Variants in KCNN2 observed in about 807,000 individuals in gnomAD.
KCNN2 encodes small conductance calcium-activated potassium channel protein 2.
In KCNN2, 24 loss-of-function variants were observed where a neutral mutation model predicts 55.5. That is an observed-to-expected ratio of 0.43 (90% CI 0.31 to 0.61). The LOEUF (loss-of-function observed/expected upper bound fraction) is 0.61. Among genes scored for constraint, KCNN2 ranks in the 20% least tolerant of loss-of-function variants. The pLI is 0.08. For synonymous variants in KCNN2, 431 were observed against 336.1 expected, an observed-to-expected ratio of 1.28 and a Z score of -3.09; for missense variants, 754 against 853.6, an observed-to-expected ratio of 0.88 and a Z score of 1.45.
rs137969048 is a variant in KCNN2 at position 114,242,267 on chromosome 5, G to A, written c.-185+20702G>A. 1.3e-3 allele frequency among the ~76,000 whole-genome samples: 194 copies of A among 151,238 alleles called. 1 individual carries two copies. The highest frequency in any genetic ancestry group is 0.01 in the Middle Eastern group (3 of 292). On this transcript the variant is annotated intron_variant, in intron 2 of 10. Coordinates refer to the KCNN2 transcript ENST00000512097. ...AGGCAGTCAGTGCCTCTGCTCAGTAGACATATGAAAGCCAAGACCCATGGA... is the reference window on the plus strand; with the variant it reads ...AGGCAGTCAGTGCCTCTGCTCAGTAAACATATGAAAGCCAAGACCCATGGA...
At chr5:114,336,749 G>A (rs1471610689) in intron 2 of KCNN2, among the ~76,000 whole-genome samples, 5 of 152,172 alleles carry the variant, frequency 3.3e-5, no homozygotes, top group African/African-American at 9.7e-5. Context: ...GAATCATGAG[G>A]ATGTGGCAGC....
At chr5:114,317,231 A>ATT (rs1164491163) in intron 2 of KCNN2, among the ~76,000 whole-genome samples, 3 of 145,642 alleles carry the variant, frequency 2.1e-5, no homozygotes, top group Admixed American at 6.9e-5. Context: ...TATTGATCCA[A>ATT]TTTTTTTTTT....
chr5:114,231,599 A>T (rs925788751), intron 2 of KCNN2, among the ~76,000 whole-genome samples: 1 of 151,186 alleles, frequency 6.6e-6, no homozygotes, highest in Non-Finnish European at 1.5e-5. Context: ...GTGATCATTT[A>T]TGCTGATAGT....
chr5:114,303,246 C>T (rs953327558), intron 2 of KCNN2, among the ~76,000 whole-genome samples: 2 of 152,192 alleles, frequency 1.3e-5, no homozygotes, highest in African/African-American at 4.8e-5. Flanking sequence ...TGTATTATTT[C>T]ACCTTTTCAG....
intron 3 of KCNN2, among the ~76,000 whole-genome samples, chr5:114,418,865 CTTCT>C (rs1759385083): frequency 6.6e-6 from 1 of 152,132 alleles, no homozygotes; most frequent in South Asian, 2.1e-4. Context: ...GTCTGCAGAA[CTTCT>C]GCTAATTCCC....
chr5:114,438,628 A>T (rs890380118), intron 3 of KCNN2, among the ~76,000 whole-genome samples: 1 of 152,144 alleles, frequency 6.6e-6, no homozygotes, highest in African/African-American at 2.4e-5. Context: ...AGTCTCTATG[A>T]TGCTTCCTCC....
intron 1 of KCNN2, among the ~76,000 whole-genome samples, chr5:114,094,631 C>T (rs919233548): frequency 3.3e-5 from 5 of 152,184 alleles, no homozygotes; most frequent in Admixed American, 6.5e-5. Context: ...TACAGTAACA[C>T]CTCCTGAATT....
chr5:114,083,358 T>C (rs1186902687), intron 1 of KCNN2, among the ~76,000 whole-genome samples: 1 of 152,098 alleles, frequency 6.6e-6, no homozygotes, highest in Non-Finnish European at 1.5e-5. Context: ...AGATACATGT[T>C]TTTTTCTTTC....
intron 3 of KCNN2, among the ~76,000 whole-genome samples, chr5:114,455,486 A>G (rs986732268): frequency 6.6e-6 from 1 of 152,182 alleles, no homozygotes; most frequent in Non-Finnish European, 1.5e-5. Context: ...TGGCTTTCCT[A>G]TTCCCTGAAA....
intron 2 of KCNN2, among the ~76,000 whole-genome samples, chr5:114,293,660 T>G (rs1299033117): frequency 3.3e-5 from 5 of 152,174 alleles, no homozygotes; most frequent in South Asian, 4.1e-4. Context: ...TCTCTTTTTT[T>G]GTTGTGTCTC....
chr5:114,235,651 A>G (rs1484831248), intron 2 of KCNN2, among the ~76,000 whole-genome samples: 1 of 152,236 alleles, frequency 6.6e-6, no homozygotes, highest in East Asian at 1.9e-4. Flanking sequence ...GAAAGGAGAT[A>G]GGAGTGAGGC....
Position 114,319,460 on chromosome 5 carries a change from G to T in KCNN2, c.-184-41485G>T, listed in dbSNP as rs527324835. 2.6e-5 allele frequency among the ~76,000 whole-genome samples: 4 copies of T among 152,278 alleles called. No homozygotes were observed. In the East Asian group the frequency reaches 7.7e-4, roughly 29 times the overall value. On this transcript the variant is annotated intron_variant, in intron 2 of 10. Transcript: ENST00000512097. ...CACAGTGGAAATTCATCATAGAAAT[G>T]AACTCTGTCATATATAGCAATTTAG...
chr5:114,378,486 C>T (rs532278358), intron 2 of KCNN2, among the ~76,000 whole-genome samples: 62 of 152,206 alleles, frequency 4.1e-4, no homozygotes, highest in African/African-American at 1.4e-3. Flanking sequence ...AGGTAGATGC[C>T]GATTGGGAAG....
intron 2 of KCNN2, among the ~76,000 whole-genome samples, chr5:114,277,127 T>A (rs886485724): frequency 5.3e-5 from 8 of 152,188 alleles, no homozygotes; most frequent in African/African-American, 1.9e-4. Context: ...AAATTCTGGG[T>A]TGAAAATTCT....
intron 1 of KCNN2, among the ~76,000 whole-genome samples, chr5:114,141,305 G>A (rs1752274683): frequency 6.6e-6 from 1 of 151,904 alleles, no homozygotes; most frequent in Non-Finnish European, 1.5e-5. Flanking sequence ...ACAGGCCCCG[G>A]TGTGTGATGT....
At chr5:114,397,021 C>T (rs1758640653) in intron 2 of KCNN2, among the ~76,000 whole-genome samples, 1 of 152,120 alleles carries the variant, frequency 6.6e-6, no homozygotes, top group South Asian at 2.1e-4. Context: ...TAATGGCCTC[C>T]AGTCCCATCC....
intron 3 of KCNN2, among the ~76,000 whole-genome samples, chr5:114,448,346 C>T (rs114785443): frequency 3.3e-4 from 50 of 152,232 alleles, no homozygotes; most frequent in African/African-American, 1.1e-3. Context: ...TGGGTCTTAG[C>T]GGTGATGGTT....
intron 2 of KCNN2, among the ~76,000 whole-genome samples, chr5:114,352,229 T>C (rs1757217846): frequency 6.6e-6 from 1 of 151,752 alleles, no homozygotes; most frequent in East Asian, 1.9e-4. Context: ...CATTCTCTTA[T>C]AATCCTTTTC....
At chr5:114,254,646 A>G (rs1276592774) in intron 2 of KCNN2, among the ~76,000 whole-genome samples, 1 of 152,208 alleles carries the variant, frequency 6.6e-6, no homozygotes, top group East Asian at 1.9e-4. Context: ...ATTTTAGCTT[A>G]TAGTGTGCTT....
Sources: allele counts gnomAD v4.1 joint callset (sites outside exome capture counted in the v4.1 genomes callset), GRCh38; gene constraint gnomAD v4.1.1; transcripts MANE v1.5; gene names NCBI Gene and HGNC (gene_info 2026-07-23, HGNC 2026-07-21).